Variants in MACROD2 observed in about 807,000 individuals in gnomAD.
The protein encoded by MACROD2 is ADP-ribose glycohydrolase MACROD2.
In MACROD2, 36 loss-of-function variants were observed where a neutral mutation model predicts 70.4. The ratio of observed to expected loss-of-function variants is 0.51; its 90% CI spans 0.39 to 0.68. The LOEUF is 0.68. MACROD2 is among the 30% of genes least tolerant of loss of function. MACROD2 has a pLI of 0.00. For synonymous variants in MACROD2, 172 were observed against 178.8 expected (o/e 0.96, Z 0.30); for missense variants, 496 against 538.4 (o/e 0.92, Z 0.78).
At chr20:14,339,412 T>C (rs1321129670) in intron 3 of MACROD2, among the ~76,000 whole-genome samples, 1 of 152,192 alleles carries the variant, frequency 6.6e-6, no homozygotes, top group African/African-American at 2.4e-5. Context: ...AACAAAGACA[T>C]GGATTAAATT....
At chr20:15,419,151 T>C (rs1179960152) in intron 6 of MACROD2, among the ~76,000 whole-genome samples, 1 of 152,186 alleles carries the variant, frequency 6.6e-6, no homozygotes, top group East Asian at 1.9e-4. Flanking sequence ...GAGTGGGTAT[T>C]GGGGCAAATC....
intron 5 of MACROD2, among the ~76,000 whole-genome samples, chr20:15,085,402 C>T (rs1354068730): frequency 2.0e-5 from 3 of 152,056 alleles, no homozygotes; most frequent in Non-Finnish European, 4.4e-5. Context: ...AATTGAACTT[C>T]ATCAAAATTA....
intron 5 of MACROD2, among the ~76,000 whole-genome samples, chr20:14,854,583 T>A (rs1404153585): frequency 6.6e-6 from 1 of 152,138 alleles, no homozygotes; most frequent in African/African-American, 2.4e-5. Flanking sequence ...ATAGATTATA[T>A]TTTACACTAC....
In MACROD2 at chr20:14,954,929, T is replaced by C. The variant is rs1398143722; in HGVS notation, c.418+269970T>C. 1.1e-4 allele frequency among the ~76,000 whole-genome samples: 12 copies of C among 106,268 alleles called. No individual in the cohort carries two copies. The South Asian group carries it at 3.2e-3, about 28-fold the overall frequency. The allele number at this position is 106,268 out of a possible 152,430, so 69.7% of individuals were successfully genotyped here. ...ATATTTTATATAATTAAATATATTA[T>C]ATATTTAATTATATAAGTATATTAT... is the stretch of plus-strand genomic sequence containing the variant. On this transcript the variant is annotated intron_variant, in intron 5 of 17. Coordinates refer to ENST00000684519, the MANE Select transcript of MACROD2 (RefSeq NM_001351661.2).
chr20:14,682,038 T>C lies in MACROD2; in HGVS notation c.302-2805T>C, dbSNP rs375866980. Reference sequence around the variant, plus strand: ...GGTACATTTAAGCTGTAGTTATTATTATTAAATAGCTCTTCAGCTAGACTT... The same window carrying C: ...GGTACATTTAAGCTGTAGTTATTATCATTAAATAGCTCTTCAGCTAGACTT... On this transcript the variant is annotated intron_variant, in intron 4 of 17. Transcript: ENST00000684519. Among the ~76,000 whole-genome samples, 18 of 152,270 alleles carry C rather than the reference T, an allele frequency of 1.2e-4. No homozygotes were observed. In the East Asian group the frequency reaches 3.5e-3, roughly 29 times the overall value.
At position 13,995,551 on chromosome 20, in the gene MACROD2, G is replaced by C. The variant is rs1366507419; in HGVS notation, c.-213G>C. Reference sequence around the variant, plus strand: ...GAGGTGCTGCTGTGGCGGCGTCCGCGGGGCTGAGGCGGGTGGGAGCCGGAG... The same window carrying C: ...GAGGTGCTGCTGTGGCGGCGTCCGCCGGGCTGAGGCGGGTGGGAGCCGGAG... On this transcript the variant is annotated 5_prime_UTR_variant, in exon 1 of 18. Coordinates refer to ENST00000684519, the MANE Select transcript of MACROD2 (RefSeq NM_001351661.2). The surrounding 1 kb of genome is among the most constrained non-coding windows in gnomAD (Gnocchi z 4.3). 4.7e-6 allele frequency: 3 copies of C among 639,780 alleles called. No individual in the cohort carries two copies. The highest frequency in any genetic ancestry group is 8.6e-6 in the Non-Finnish European group (3 of 348,500). 39.6% of individuals were successfully genotyped at this position (639,780 alleles called of 1,614,324 possible).
intron 5 of MACROD2, among the ~76,000 whole-genome samples, chr20:15,107,983 C>CT (rs76491578): frequency 0.39 from 55,505 of 142,600 alleles, 11,324 homozygotes; most frequent in Non-Finnish European, 0.46. Flanking sequence ...AGAGCAAGCT[C>CT]TTTTTTTTTT....
intron 5 of MACROD2, among the ~76,000 whole-genome samples, chr20:15,215,492 T>C (rs763597387): frequency 6.6e-6 from 1 of 152,096 alleles, no homozygotes; most frequent in Non-Finnish European, 1.5e-5. Flanking sequence ...CTTTTCTTAT[T>C]TGAGATACTC....
At chr20:14,444,513 A>T (rs1691596633) in intron 3 of MACROD2, among the ~76,000 whole-genome samples, 1 of 151,664 alleles carries the variant, frequency 6.6e-6, no homozygotes. Context: ...CCCGTGGAAC[A>T]CTCTTTAGGG....
intron 3 of MACROD2, among the ~76,000 whole-genome samples, chr20:14,151,520 T>C (rs2055020401): frequency 6.6e-6 from 1 of 152,172 alleles, no homozygotes; most frequent in Admixed American, 6.5e-5. Context: ...TTTCATAGAC[T>C]CAGCCACAAA....
At chr20:15,423,098 A>C (rs1472087641) in intron 6 of MACROD2, among the ~76,000 whole-genome samples, 1 of 150,170 alleles carries the variant, frequency 6.7e-6, no homozygotes, top group African/African-American at 2.5e-5. Context: ...TAGTTTTAGC[A>C]TAGTTATATC....
intron 3 of MACROD2, among the ~76,000 whole-genome samples, chr20:14,087,907 G>C (rs555772660): frequency 1.3e-5 from 2 of 151,764 alleles, no homozygotes; most frequent in Non-Finnish European, 2.9e-5. Context: ...ATACATAAGA[G>C]AGATATATAT....
intron 3 of MACROD2, among the ~76,000 whole-genome samples, chr20:14,170,499 A>C (rs1029523029): frequency 6.6e-6 from 1 of 151,852 alleles, no homozygotes; most frequent in Non-Finnish European, 1.5e-5. Flanking sequence ...GGTAGCTTTT[A>C]TTATGTTAAG....
chr20:14,269,462 T>C (rs969271555), intron 3 of MACROD2, among the ~76,000 whole-genome samples: 1 of 152,230 alleles, frequency 6.6e-6, no homozygotes, highest in Non-Finnish European at 1.5e-5. Flanking sequence ...AGTTGGGTTA[T>C]TCTTATTTTT....
chr20:14,311,456 T>C (rs1337718169), intron 3 of MACROD2, among the ~76,000 whole-genome samples: 1 of 152,162 alleles, frequency 6.6e-6, no homozygotes, highest in Non-Finnish European at 1.5e-5. Flanking sequence ...AACAATGAAA[T>C]GGCCTAGCAA....
At chr20:15,152,714 C>G (rs1386335612) in intron 5 of MACROD2, among the ~76,000 whole-genome samples, 3 of 151,926 alleles carry the variant, frequency 2.0e-5, no homozygotes, top group Non-Finnish European at 4.4e-5. Flanking sequence ...GGTGAAGGAC[C>G]AAAGCAGGCG....
At chr20:15,298,657 ATT>A (rs1905424850) in intron 6 of MACROD2, among the ~76,000 whole-genome samples, 1 of 152,208 alleles carries the variant, frequency 6.6e-6, no homozygotes, top group African/African-American at 2.4e-5. Flanking sequence ...CTTTTTAAAA[ATT>A]TGCATTTTAG....
At chr20:14,961,695 G>A (rs1012674520) in intron 5 of MACROD2, among the ~76,000 whole-genome samples, 2 of 152,088 alleles carry the variant, frequency 1.3e-5, no homozygotes. Context: ...AGGATTACAG[G>A]TGTGAGTCAC....
At chr20:14,516,174 T>C (rs979661081) in intron 4 of MACROD2, among the ~76,000 whole-genome samples, 2 of 151,564 alleles carry the variant, frequency 1.3e-5, no homozygotes, top group African/African-American at 4.8e-5. Context: ...TTAACAAGTA[T>C]TGCTCACCTC....
Sources: gnomAD v4.1 joint callset for allele counts (sites outside exome capture counted in the v4.1 genomes callset) on GRCh38, gnomAD v4.1.1 for gene constraint, Gnocchi (gnomAD v3.1) non-coding constraint, MANE v1.5 for transcripts, NCBI Gene and HGNC (gene_info 2026-07-23, HGNC 2026-07-21) for gene names.